Variants in INPP4A observed in about 807,000 individuals in gnomAD.
INPP4A encodes the protein inositol polyphosphate-4-phosphatase, type I, 107kD.
INPP4A carries 33 observed loss-of-function variants against 119.8 expected under a neutral mutation model. That is an observed-to-expected ratio of 0.28 (90% CI 0.21 to 0.37). The LOEUF (loss-of-function observed/expected upper bound fraction) is 0.37. Among genes scored for constraint, INPP4A ranks in the 10% least tolerant of loss-of-function variants. The probability of loss-of-function intolerance (pLI) is 1.00; values close to 1 mark genes in which losing one functional copy is unlikely to be tolerated. For synonymous variants in INPP4A, 496 were observed against 500.7 expected, an observed-to-expected ratio of 0.99 and a Z score of 0.12; for missense variants, 956 against 1,289.9, an observed-to-expected ratio of 0.74 and a Z score of 3.97.
chr2:98,455,268 G>A (rs548678737), intron 1 of INPP4A, among the ~76,000 whole-genome samples: 3 of 152,060 alleles, frequency 2.0e-5, no homozygotes, highest in Non-Finnish European at 4.4e-5. Flanking sequence ...AATCCAGGAG[G>A]TCGAGGCTGC....
At chr2:98,517,673 T>C (rs1175274947) in intron 1 of INPP4A, among the ~76,000 whole-genome samples, 1 of 152,248 alleles carries the variant, frequency 6.6e-6, no homozygotes, top group South Asian at 2.1e-4. Context: ...GTGTGTCTTA[T>C]GGATGTTCCA....
chr2:98,581,482 T>G, intron 24 of INPP4A: 1 of 1,250,478 alleles, frequency 8.0e-7, no homozygotes, highest in Non-Finnish European at 1.1e-6. Flanking sequence ...CCATCCTTTT[T>G]GATAAAATCC....
chr2:98,515,191 G>A (rs748888491), intron 1 of INPP4A, among the ~76,000 whole-genome samples: 1 of 152,214 alleles, frequency 6.6e-6, no homozygotes, highest in African/African-American at 2.4e-5. Context: ...CCAGTGAATG[G>A]TGTGACACCT....
chr2:98,485,015 C>T (rs868600095), intron 1 of INPP4A, among the ~76,000 whole-genome samples: 33 of 151,620 alleles, frequency 2.2e-4, no homozygotes, highest in African/African-American at 4.1e-4. Context: ...AGTGGCTTTT[C>T]TCTCACTTGG....
chr2:98,475,701 G>A (rs932960656), intron 1 of INPP4A, among the ~76,000 whole-genome samples: 7 of 152,158 alleles, frequency 4.6e-5, no homozygotes, highest in African/African-American at 1.7e-4. Context: ...TGGGCTGTGT[G>A]GGCAGGGCTG....
intron 1 of INPP4A, among the ~76,000 whole-genome samples, chr2:98,447,232 C>T (rs1044416841): frequency 9.2e-5 from 14 of 152,160 alleles, no homozygotes; most frequent in Non-Finnish European, 1.3e-4. Context: ...TCATCAACTA[C>T]TCATGGTGTC....
chr2:98,520,721 AT>A lies in INPP4A; in HGVS notation c.144del (p.Phe48LeufsTer3). ...AAGACCCAGATGAGCCCATTTTAGA[AT>A]TTAGCTTAGGTAGGTATCTTTCATT... The part of the protein sequence containing the change: ...IQDPDEPILE[F>X]SLACSELHTP... On this transcript the variant is annotated frameshift_variant, in exon 4 of 25. Coordinates refer to ENST00000409851, the MANE Select transcript of INPP4A (RefSeq NM_001134225.2). LOFTEE classifies it high-confidence loss of function. 1 of 1,484,608 alleles carries A rather than the reference AT, an allele frequency of 6.7e-7. No homozygotes were observed. Among genetic ancestry groups the A allele is most frequent in the Non-Finnish European group, 9.2e-7 (1 of 1,092,770 alleles). 92.0% of individuals were successfully genotyped at this position (1,484,608 alleles called of 1,614,324 possible). A position where few individuals can be genotyped will look rare whatever the true frequency, so the allele number is the denominator to read the frequency against.
At chr2:98,470,812 C>T (rs559823237) in intron 1 of INPP4A, among the ~76,000 whole-genome samples, 6 of 152,240 alleles carry the variant, frequency 3.9e-5, no homozygotes, top group South Asian at 2.1e-4. Flanking sequence ...GGACTACAGG[C>T]ACGCACCACC....
chr2:98,572,757 C>A (rs1338387484), intron 22 of INPP4A, 58 bp from the exon 23 acceptor site: 1 of 1,282,422 alleles, frequency 7.8e-7, no homozygotes, highest in African/African-American at 1.5e-5. Flanking sequence ...TGGGCTCCCT[C>A]TGCCGGGGGA....
chr2:98,520,182 T>C, intron 3 of INPP4A, 28 bp downstream of exon 3: 1 of 1,519,934 alleles, frequency 6.6e-7, no homozygotes, highest in Non-Finnish European at 8.9e-7. Flanking sequence ...TGCACCGGGC[T>C]CCAGGTATGA....
At chr2:98,537,755 C>T in intron 7 of INPP4A, 108 bp from the exon 8 acceptor site, 1 of 790,364 alleles carries the variant, frequency 1.3e-6, no homozygotes, top group Non-Finnish European at 2.2e-6. Flanking sequence ...TCAGCTCGGC[C>T]CTGCTGCCCC....
chr2:98,550,950 C>CT (rs201365218), intron 13 of INPP4A, among the ~76,000 whole-genome samples: 28 of 146,706 alleles, frequency 1.9e-4, no homozygotes, highest in South Asian at 1.1e-3. Context: ...GGGAAGAATC[C>CT]TTTTTTTTTT....
chr2:98,554,548 C>T lies in INPP4A; in HGVS notation c.1566+59C>T. The T allele has an allele frequency of 6.8e-7, 1 of 1,470,270 alleles. No homozygotes were observed. The highest frequency in any genetic ancestry group is 9.3e-7 in the Non-Finnish European group (1 of 1,071,714). The allele number at this position is 1,470,270 out of a possible 1,614,324, so 91.1% of individuals were successfully genotyped here. ...TGAACTTGGGCTGAAAACCACAAAA[C>T]CTGTTGCCAGTCTCTGCCCCTCTGA... On this transcript the variant is annotated intron_variant, in intron 15 of 24. Coordinates refer to ENST00000409851, the MANE Select transcript of INPP4A (RefSeq NM_001134225.2). The surrounding 1 kb of genome is among the most constrained non-coding windows in gnomAD (Gnocchi z 4.7).
chr2:98,564,883 A>G (rs181773679), intron 19 of INPP4A, 120 bp downstream of exon 19: 194 of 1,235,634 alleles, frequency 1.6e-4, no homozygotes, highest in Non-Finnish European at 2.0e-4. Context: ...TCCAAAATAT[A>G]TAACAGCAGA....
chr2:98,483,224 A>G (rs548432344), intron 1 of INPP4A, among the ~76,000 whole-genome samples: 5 of 152,222 alleles, frequency 3.3e-5, no homozygotes, highest in African/African-American at 4.8e-5. Context: ...ATGCCTTCCC[A>G]CCTTCTCTCT....
chr2:98,504,816 A>G (rs962770594), intron 1 of INPP4A, among the ~76,000 whole-genome samples: 3 of 152,210 alleles, frequency 2.0e-5, no homozygotes, highest in Admixed American at 1.3e-4. Context: ...CTTTCAACTT[A>G]TTATCAGTTC....
At chr2:98,487,894 A>G (rs1679880323) in intron 1 of INPP4A, among the ~76,000 whole-genome samples, 1 of 152,224 alleles carries the variant, frequency 6.6e-6, no homozygotes, top group South Asian at 2.1e-4. Flanking sequence ...GTTTCAGGTC[A>G]CAATAGGCAG....
intron 1 of INPP4A, among the ~76,000 whole-genome samples, chr2:98,465,785 A>G (rs918310862): frequency 2.6e-5 from 4 of 150,994 alleles, no homozygotes; most frequent in African/African-American, 9.8e-5. Flanking sequence ...GAGTTTTTCA[A>G]CTCTCTGGCT....
intron 24 of INPP4A, among the ~76,000 whole-genome samples, chr2:98,586,413 C>T (rs1699956418): frequency 6.6e-6 from 1 of 151,874 alleles, no homozygotes; most frequent in South Asian, 2.1e-4. Flanking sequence ...TTCTTGGTAA[C>T]TGCAAATTTT....
Sources: allele counts gnomAD v4.1 joint callset (sites outside exome capture counted in the v4.1 genomes callset), GRCh38; gene constraint gnomAD v4.1.1; non-coding constraint Gnocchi (gnomAD v3.1); transcripts MANE v1.5; gene names NCBI Gene and HGNC (gene_info 2026-07-23, HGNC 2026-07-21).